The following KCNK3 variants were observed in gnomAD, a reference collection of about 807,000 sequenced individuals.
The protein encoded by KCNK3 is potassium two pore domain channel subfamily K member 3.
A neutral mutation model predicts 27.3 loss-of-function variants in KCNK3; 9 were observed. The observed-to-expected ratio is 0.33, with a 90% CI of 0.20 to 0.57. KCNK3 has a LOEUF of 0.57. Ranked by LOEUF, KCNK3 falls within the 20% of genes least tolerant of loss-of-function variation. The pLI, the probability that KCNK3 is intolerant of heterozygous loss-of-function variation, is 0.87. For synonymous variants in KCNK3, 278 were observed against 273.8 expected, an observed-to-expected ratio of 1.02 and a Z score of -0.15; for missense variants, 391 against 577.7, an observed-to-expected ratio of 0.68 and a Z score of 3.31.
chr2:26,703,867 C>A (rs1231883726), intron 1 of KCNK3, among the ~76,000 whole-genome samples: 2 of 152,166 alleles, frequency 1.3e-5, no homozygotes, highest in Admixed American at 1.3e-4. Context: ...GAGCTTTCTG[C>A]GGTGAGCATG....
chr2:26,725,975 G>T (rs1379573498), intron 1 of KCNK3, among the ~76,000 whole-genome samples: 1 of 152,132 alleles, frequency 6.6e-6, no homozygotes, highest in Admixed American at 6.6e-5. Flanking sequence ...TGGGCTAAGT[G>T]CATTACACAC....
At chr2:26,701,417 G>A (rs1484516284) in intron 1 of KCNK3, among the ~76,000 whole-genome samples, 4 of 152,136 alleles carry the variant, frequency 2.6e-5, no homozygotes, top group African/African-American at 4.8e-5. Context: ...AAGTGGAGAA[G>A]GGCTTGCCCC....
intron 1 of KCNK3, among the ~76,000 whole-genome samples, chr2:26,710,136 G>A (rs1008987807): frequency 6.6e-6 from 1 of 152,210 alleles, no homozygotes. Context: ...CTCTGCCAAG[G>A]GTGGGGGGCT....
intron 1 of KCNK3, among the ~76,000 whole-genome samples, chr2:26,695,261 A>T (rs1670220871): frequency 6.6e-6 from 1 of 151,870 alleles, no homozygotes. Context: ...ACTCTGTCTC[A>T]CCCAGGCTGG....
Position 26,693,065 on chromosome 2 carries a change from C to G in KCNK3, c.190C>G (p.Arg64Gly), listed in dbSNP as rs1385230243. Residue 64 changes from arginine (R) to glycine (G), a missense_variant, in exon 1 of 2, where the codon CGC (arginine) becomes GGC (glycine). Physicochemically the swap from Arg to Gly is moderately radical, Grantham distance 125. Transcript: ENST00000302909. The surrounding 1 kb of genome is among the most constrained non-coding windows in gnomAD (Gnocchi z 5.5). ...CCAGGGCGGCTACGAGGAGCTGGAG[C>G]GCGTCGTGCTGCGCCTCAAGCCGCA... is the stretch of plus-strand genomic sequence containing the variant. ...LSQGGYEELE[R>G]VVLRLKPHKA... 2 of 1,603,400 alleles carry G rather than the reference C, an allele frequency of 1.2e-6. No homozygotes were observed. Among genetic ancestry groups the G allele is most frequent in the African/African-American group, 1.3e-5 (1 of 74,414 alleles).
chr2:26,717,725 G>A (rs1663256613), intron 1 of KCNK3, among the ~76,000 whole-genome samples: 1 of 152,220 alleles, frequency 6.6e-6, no homozygotes, highest in South Asian at 2.1e-4. Flanking sequence ...GGCCCCACCG[G>A]CCCCAGGTCA....
chr2:26,718,140 G>A (rs1324278700), intron 1 of KCNK3, among the ~76,000 whole-genome samples: 1 of 151,476 alleles, frequency 6.6e-6, no homozygotes, highest in Non-Finnish European at 1.5e-5. Context: ...GCTCAGGCCT[G>A]AGCACTTGAC....
At chr2:26,701,103 T>C (rs1380703033) in intron 1 of KCNK3, among the ~76,000 whole-genome samples, 1 of 152,204 alleles carries the variant, frequency 6.6e-6, no homozygotes, top group East Asian at 1.9e-4. Flanking sequence ...AGATCCATTG[T>C]CCACATTTTG....
intron 1 of KCNK3, chr2:26,724,540 A>G: frequency 3.1e-6 from 3 of 952,710 alleles, no homozygotes; most frequent in Non-Finnish European, 3.7e-6. Context: ...TTGAGGATTA[A>G]GTTAAAAATA....
chr2:26,693,180 G>T lies in KCNK3; in HGVS notation c.283+22G>T. The T allele has an allele frequency of 1.4e-6, 2 of 1,406,328 alleles. No homozygotes were observed. Among genetic ancestry groups the T allele is most frequent in the African/African-American group, 1.5e-5 (1 of 67,450 alleles). 87.1% of individuals were successfully genotyped at this position (1,406,328 alleles called of 1,614,324 possible). ...ATCGGTAACGGCTCGCCGGGCGGGG[G>T]GCGGGAACCCAGGGCTGGGCGCGGG... On this transcript the variant is annotated intron_variant, in intron 1 of 1. Coordinates refer to ENST00000302909, the MANE Select transcript of KCNK3 (RefSeq NM_002246.3). The surrounding 1 kb of genome is among the most constrained non-coding windows in gnomAD (Gnocchi z 5.5).
At chr2:26,713,363 G>A (rs576419407) in intron 1 of KCNK3, among the ~76,000 whole-genome samples, 18 of 152,318 alleles carry the variant, frequency 1.2e-4, no homozygotes, top group African/African-American at 4.3e-4. Context: ...CCAGTAGGGC[G>A]GGATCAGGTG....
chr2:26,707,923 C>T (rs1670395279), intron 1 of KCNK3, among the ~76,000 whole-genome samples: 1 of 152,268 alleles, frequency 6.6e-6, no homozygotes, highest in African/African-American at 2.4e-5. Context: ...TTCCACTCCC[C>T]TCAGGCACCC....
At chr2:26,716,550 G>A (rs1320860804) in intron 1 of KCNK3, among the ~76,000 whole-genome samples, 1 of 152,082 alleles carries the variant, frequency 6.6e-6, no homozygotes, top group Non-Finnish European at 1.5e-5. Context: ...AATGGGCTTT[G>A]ATGGAGGAGT....
At chr2:26,714,510 A>G (rs1213043939) in intron 1 of KCNK3, among the ~76,000 whole-genome samples, 1 of 148,960 alleles carries the variant, frequency 6.7e-6, no homozygotes, top group African/African-American at 2.5e-5. Flanking sequence ...GGGGTTGAGC[A>G]GGAAGGATCA....
rs1326354251 is a variant in KCNK3 at position 26,723,008 on chromosome 2, C to A, written c.284-4659C>A. ...GTCAGGTCAGACCCCAGATCTCCTG[C>A]CTCCTAGCCCCATGCTCTTTCCTCT... On this transcript the variant is annotated intron_variant, in intron 1 of 1. Transcript: ENST00000302909. Among the ~76,000 whole-genome samples the A allele has an allele frequency of 5.3e-5, 8 of 152,238 alleles. No individual in the cohort carries two copies. The South Asian group carries it at 1.4e-3, about 28-fold the overall frequency.
chr2:26,709,926 G>A (rs879473361), intron 1 of KCNK3, among the ~76,000 whole-genome samples: 3 of 152,184 alleles, frequency 2.0e-5, no homozygotes, highest in Non-Finnish European at 4.4e-5. Flanking sequence ...TTACCCTGCC[G>A]CCGCCTTCCA....
chr2:26,707,586 T>C (rs1670391719), intron 1 of KCNK3, among the ~76,000 whole-genome samples: 1 of 152,156 alleles, frequency 6.6e-6, no homozygotes, highest in African/African-American at 2.4e-5. Context: ...ACTCAGAATG[T>C]TTTGGGGCCT....
At chr2:26,725,084 G>C (rs1046956360) in intron 1 of KCNK3, among the ~76,000 whole-genome samples, 1 of 152,154 alleles carries the variant, frequency 6.6e-6, no homozygotes, top group East Asian at 1.9e-4. Flanking sequence ...TGGGCCCAGG[G>C]AAGTCACGGC....
Position 26,693,218 on chromosome 2 carries a change from G to T in KCNK3, c.283+60G>T, listed in dbSNP as rs1425961308. On this transcript the variant is annotated intron_variant, in intron 1 of 1. Transcript: ENST00000302909. The surrounding 1 kb of genome is among the most constrained non-coding windows in gnomAD (Gnocchi z 5.5). Reference sequence around the variant, plus strand: ...GGCTGGGCGCGGGGCTCCGGGAGTCGTCCGGGGCCGGCTGGGGCTGGGGGC... The same window carrying T: ...GGCTGGGCGCGGGGCTCCGGGAGTCTTCCGGGGCCGGCTGGGGCTGGGGGC... The T allele has an allele frequency of 3.1e-6, 4 of 1,278,970 alleles. No homozygotes were observed. Among genetic ancestry groups the T allele is most frequent in the Non-Finnish European group, 3.1e-6 (3 of 971,090 alleles). 79.2% of individuals were successfully genotyped at this position (1,278,970 alleles called of 1,614,324 possible). A position where few individuals can be genotyped will look rare whatever the true frequency, so the allele number is the denominator to read the frequency against.
Sources: allele counts gnomAD v4.1 joint callset (sites outside exome capture counted in the v4.1 genomes callset), GRCh38; gene constraint gnomAD v4.1.1; non-coding constraint Gnocchi (gnomAD v3.1); transcripts MANE v1.5; gene names NCBI Gene and HGNC (gene_info 2026-07-23, HGNC 2026-07-21).